TASP1: variants seen among roughly 807,000 people sequenced by gnomAD.
TASP1 encodes taspase 1.
Under a neutral mutation model 56.6 loss-of-function variants are expected in TASP1, and 16 were observed. That is an observed-to-expected ratio of 0.28 (90% CI 0.19 to 0.43). TASP1 has a LOEUF of 0.43. TASP1 is among the 20% of genes least tolerant of loss of function. TASP1 has a pLI of 1.00. For missense variants in TASP1, 393 were observed against 511.6 expected (o/e 0.77, Z 2.24); for synonymous variants, 179 against 184.2 (o/e 0.97, Z 0.23).
At chr20:13,389,018 C>G (rs2041186183), downstream of TASP1, among the ~76,000 whole-genome samples, 1 of 152,018 alleles carries the variant, frequency 6.6e-6, no homozygotes, top group Non-Finnish European at 1.5e-5. Flanking sequence ...TTCTTGATAA[C>G]CACTTCTTAC....
At chr20:13,419,096 G>T (rs2042354793) in intron 12 of TASP1, among the ~76,000 whole-genome samples, 1 of 152,150 alleles carries the variant, frequency 6.6e-6, no homozygotes, top group Non-Finnish European at 1.5e-5. Context: ...AGACAGTAGT[G>T]TTGTATCAAT....
chr20:13,225,000 C>T, the TASP1 span, among the ~76,000 whole-genome samples: 170 of 149,554 alleles, frequency 1.1e-3, no homozygotes, highest in East Asian at 9.5e-3. Context: ...CGCCTGCCAC[C>T]ACGCCCGGCT....
intron 4 of TASP1, among the ~76,000 whole-genome samples, chr20:13,603,457 G>A (rs146493702): frequency 0.01 from 1,565 of 152,082 alleles, 34 homozygotes; most frequent in African/African-American, 0.036. Context: ...TGGGAGGATC[G>A]ATTGAGCCTA....
chr20:13,170,002 C>T, the TASP1 span, among the ~76,000 whole-genome samples: 7 of 152,316 alleles, frequency 4.6e-5, no homozygotes, highest in Non-Finnish European at 8.8e-5. Flanking sequence ...CCTTTTCTTT[C>T]CCTATTGTAT....
chr20:13,478,283 C>T (rs890146105), intron 11 of TASP1, among the ~76,000 whole-genome samples: 7 of 151,888 alleles, frequency 4.6e-5, no homozygotes, highest in African/African-American at 1.7e-4. Context: ...CAGCACTATT[C>T]ACAATAGCAA....
chr20:13,219,601 A>G, the TASP1 span, among the ~76,000 whole-genome samples: 1 of 151,752 alleles, frequency 6.6e-6, no homozygotes, highest in Non-Finnish European at 1.5e-5. Context: ...TCCCCACCCA[A>G]AAAAAAATAA....
chr20:13,226,558 G>A, the TASP1 span, among the ~76,000 whole-genome samples: 22 of 152,254 alleles, frequency 1.4e-4, no homozygotes, highest in African/African-American at 5.1e-4. Context: ...CAGCTGAGTG[G>A]TTCTTCTGGT....
intron 13 of TASP1, chr20:13,393,018 A>T: frequency 1.7e-6 from 1 of 583,820 alleles, no homozygotes. Context: ...TGCAGCAGGG[A>T]GCCAAAAGGG....
At chr20:13,288,567 G>A in the TASP1 span, 2 of 1,613,948 alleles carry the variant, frequency 1.2e-6, no homozygotes, top group Non-Finnish European at 1.7e-6. Flanking sequence ...GGTGACTGGA[G>A]TCTCTGGTCT....
At chr20:13,218,133 C>T in the TASP1 span, among the ~76,000 whole-genome samples, 4 of 152,012 alleles carry the variant, frequency 2.6e-5, no homozygotes, top group Non-Finnish European at 5.9e-5. Context: ...ATTCTGTAAT[C>T]CCAGCTACTC....
At chr20:13,388,142 C>T (rs1375625589), downstream of TASP1, among the ~76,000 whole-genome samples, 2 of 152,184 alleles carry the variant, frequency 1.3e-5, no homozygotes, top group Admixed American at 6.5e-5. Flanking sequence ...TAAAAGTGGG[C>T]ACCTTAAAAT....
At chr20:13,236,955 C>A in the TASP1 span, among the ~76,000 whole-genome samples, 1 of 152,188 alleles carries the variant, frequency 6.6e-6, no homozygotes, top group Non-Finnish European at 1.5e-5. Context: ...GCACATGGTG[C>A]AAGCTGTCGG....
chr20:13,578,430 G>C (rs1027379619), intron 6 of TASP1, among the ~76,000 whole-genome samples: 4 of 151,972 alleles, frequency 2.6e-5, no homozygotes, highest in African/African-American at 7.2e-5. Flanking sequence ...AGTTCCAAAG[G>C]ACATACTGTC....
intron 9 of TASP1, among the ~76,000 whole-genome samples, chr20:13,533,806 G>A (rs183313310): frequency 3.3e-4 from 50 of 152,186 alleles, no homozygotes; most frequent in African/African-American, 1.1e-3. Flanking sequence ...TAGGATCAAC[G>A]ATTGTAAAGA....
intron 7 of TASP1, among the ~76,000 whole-genome samples, chr20:13,560,462 A>T (rs1157581006): frequency 6.6e-6 from 1 of 152,158 alleles, no homozygotes; most frequent in African/African-American, 2.4e-5. Flanking sequence ...GTTTTATAGG[A>T]GACATTCCCC....
the TASP1 span, among the ~76,000 whole-genome samples, chr20:13,257,244 A>G: frequency 6.6e-6 from 1 of 152,164 alleles, no homozygotes; most frequent in Non-Finnish European, 1.5e-5. Flanking sequence ...GCCAGGCTCG[A>G]TGGCTCATGC....
the TASP1 span, among the ~76,000 whole-genome samples, chr20:13,115,343 G>A: frequency 6.6e-6 from 1 of 152,130 alleles, no homozygotes; most frequent in Non-Finnish European, 1.5e-5. Flanking sequence ...AAAGTCAGCA[G>A]TATTGTAGAG....
chr20:13,330,100 G>A, the TASP1 span, among the ~76,000 whole-genome samples: 1 of 151,934 alleles, frequency 6.6e-6, no homozygotes, highest in African/African-American at 2.4e-5. Flanking sequence ...GGGATTACAG[G>A]TGCCTGCCAC....
intron 4 of TASP1, among the ~76,000 whole-genome samples, chr20:13,610,046 T>C (rs1372031708): frequency 6.6e-6 from 1 of 152,144 alleles, no homozygotes; most frequent in Admixed American, 6.5e-5. Flanking sequence ...TCTATCAATA[T>C]AAAATATCCA....
Sources: gnomAD v4.1 joint callset for allele counts (sites outside exome capture counted in the v4.1 genomes callset) on GRCh38, gnomAD v4.1.1 for gene constraint, MANE v1.5 for transcripts, NCBI Gene and HGNC (gene_info 2026-07-23, HGNC 2026-07-21) for gene names.